EFCAB13: variants seen among roughly 807,000 people sequenced by gnomAD.
EFCAB13 encodes the protein EF-hand calcium-binding domain-containing protein 13.
Under a neutral mutation model 110.2 loss-of-function variants are expected in EFCAB13, and 91 were observed. The observed-to-expected ratio is 0.83, with a 90% CI of 0.70 to 0.98. EFCAB13 has a LOEUF of 0.98. Among genes scored for constraint, EFCAB13 ranks in the 50% least tolerant of loss-of-function variants. The pLI is 0.00. For missense variants in EFCAB13, 968 were observed against 1,119.4 expected (o/e 0.86, Z 1.93); for synonymous variants, 323 against 369.9 (o/e 0.87, Z 1.45).
intron 23 of EFCAB13, among the ~76,000 whole-genome samples, chr17:47,422,028 T>C (rs1904737169): frequency 1.3e-5 from 2 of 152,200 alleles, no homozygotes; most frequent in South Asian, 4.1e-4. Flanking sequence ...GTCCCCATCA[T>C]GACCACAAAT....
intron 24 of EFCAB13, among the ~76,000 whole-genome samples, chr17:47,437,623 AC>A (rs1180867544): frequency 1.3e-5 from 2 of 151,768 alleles, no homozygotes; most frequent in African/African-American, 4.8e-5. Flanking sequence ...GCCTTTTTCC[AC>A]CCCTTTACTT....
In EFCAB13 at chr17:47,379,163, A is replaced by C. The variant is rs548712826; in HGVS notation, c.1511-19A>C. 8.4e-5 allele frequency: 134 copies of C among 1,602,876 alleles called. 1 individual carries two copies. The South Asian group carries it at 1.2e-3, about 14-fold the overall frequency. ...AAAAATACACCAGAATGTATAATCT[A>C]AACTCTTTTTAAAAACAGAGAATGG... On this transcript the variant is annotated intron_variant, in intron 13 of 24. Coordinates refer to ENST00000331493, the MANE Select transcript of EFCAB13 (RefSeq NM_152347.5).
At chr17:47,407,286 A>G (rs1037171907) in intron 20 of EFCAB13, among the ~76,000 whole-genome samples, 1 of 152,206 alleles carries the variant, frequency 6.6e-6, no homozygotes, top group African/African-American at 2.4e-5. Flanking sequence ...GAAAAGGGTT[A>G]TTTTTAACTA....
At chr17:47,372,208 A>AT (rs145622764) in intron 11 of EFCAB13, among the ~76,000 whole-genome samples, 1,498 of 149,568 alleles carry the variant, frequency 0.01, 28 homozygotes, top group African/African-American at 0.034. Flanking sequence ...TTCTCTGTTG[A>AT]TTTTTTTTTA....
chr17:47,351,824 G>A (rs958758709), intron 9 of EFCAB13, among the ~76,000 whole-genome samples: 2 of 149,538 alleles, frequency 1.3e-5, no homozygotes, highest in East Asian at 3.9e-4. Context: ...GTTGTTGCTT[G>A]TGCTTTCGAG....
intron 23 of EFCAB13, among the ~76,000 whole-genome samples, chr17:47,422,162 ATTCT>A (rs1193032907): frequency 6.6e-6 from 1 of 152,216 alleles, no homozygotes; most frequent in Non-Finnish European, 1.5e-5. Context: ...AATAAAAATA[ATTCT>A]TCATATTACA....
chr17:47,403,090 C>G (rs951880411), intron 18 of EFCAB13, among the ~76,000 whole-genome samples: 38 of 152,140 alleles, frequency 2.5e-4, no homozygotes, highest in African/African-American at 8.9e-4. Context: ...TCTGTAGTTG[C>G]ATCCCAGTGA....
At position 47,417,349 on chromosome 17, in the gene EFCAB13, C is replaced by G. The variant is rs569546471; in HGVS notation, c.2494+2430C>G. The stretch of plus-strand genomic sequence containing the variant: ...ATGGAAATACATCATAATTTCTTGT[C>G]TGACGTTATTGGCTTTTCATTTCTC... On this transcript the variant is annotated intron_variant, in intron 23 of 24. Transcript: ENST00000331493. 3.3e-5 allele frequency among the ~76,000 whole-genome samples: 5 copies of G among 152,314 alleles called. No homozygotes were observed. The South Asian group carries it at 1.0e-3, about 32-fold the overall frequency.
rs139198433 is a variant in EFCAB13 at position 47,440,475 on chromosome 17, G to A, written c.2683G>A (p.Asp895Asn). ...SIQEFMTKLS[D>N]ILTIPKAAGK... ...TCAAGAATTTATGACTAAATTATCC[G>A]ATATATTGACAATTCCTAAAGCTGC... Residue 895 changes from aspartate to asparagine, a missense_variant, in exon 25 of 25, where the codon GAT becomes AAT. Transcript: ENST00000331493. The A allele has an allele frequency of 6.3e-5, 102 of 1,607,554 alleles. No homozygotes were observed. The African/African-American group carries it at 9.0e-4, about 14-fold the overall frequency.
At chr17:47,422,494 TAC>T (rs1904757674) in intron 23 of EFCAB13, among the ~76,000 whole-genome samples, 1 of 152,192 alleles carries the variant, frequency 6.6e-6, no homozygotes, top group Non-Finnish European at 1.5e-5. Context: ...TATGAATCTA[TAC>T]ACTGGTTATT....
At chr17:47,429,684 T>C (rs1474346015) in intron 23 of EFCAB13, 134 bp from the exon 24 acceptor site, 2 of 1,183,376 alleles carry the variant, frequency 1.7e-6, no homozygotes, top group African/African-American at 1.5e-5. Context: ...TTTTTAAAAC[T>C]ATACAAATAG....
chr17:47,370,674 A>G (rs982886996), intron 11 of EFCAB13, among the ~76,000 whole-genome samples, 166 bp downstream of exon 11: 2 of 151,566 alleles, frequency 1.3e-5, no homozygotes, highest in Non-Finnish European at 2.9e-5. Context: ...TGCTATTTAC[A>G]TGTCCTCTTT....
intron 14 of EFCAB13, among the ~76,000 whole-genome samples, chr17:47,379,640 C>T (rs1402233023): frequency 6.6e-6 from 1 of 151,096 alleles, no homozygotes; most frequent in Non-Finnish European, 1.5e-5. Context: ...TTAAAAACAG[C>T]TTTATCAAGG....
At position 47,325,923 on chromosome 17, in the gene EFCAB13, AATATATATATATATATATATATATAT is replaced by A. The variant is rs60735562; in HGVS notation, c.-247-289_-247-264del. ...GCAGATTTTATATATATATAAACAA[AATATATATATATATATATATATATAT>A]ATATATATATATAGCATATATATAT... On this transcript the variant is annotated intron_variant, in intron 2 of 24. Transcript: ENST00000331493. Among the ~76,000 whole-genome samples the A allele has an allele frequency of 1.4e-3, 142 of 102,564 alleles. 3 individuals carry two copies. Among genetic ancestry groups the A allele is most frequent in the South Asian group, 7.9e-3 (21 of 2,660 alleles). 67.3% of individuals were successfully genotyped at this position (102,564 alleles called of 152,430 possible). A position where few individuals can be genotyped will look rare whatever the true frequency, so the allele number is the denominator to read the frequency against.
chr17:47,419,588 T>C (rs1904561840), intron 23 of EFCAB13, among the ~76,000 whole-genome samples: 1 of 152,114 alleles, frequency 6.6e-6, no homozygotes, highest in South Asian at 2.1e-4. Context: ...TAAATAATAA[T>C]GATGATAATA....
intron 24 of EFCAB13, 169 bp downstream of exon 24, chr17:47,430,130 G>A: frequency 2.4e-6 from 3 of 1,265,456 alleles, no homozygotes; most frequent in Non-Finnish European, 2.0e-6. Flanking sequence ...AGCTTCATGG[G>A]GCCAAACAAA....
intron 21 of EFCAB13, among the ~76,000 whole-genome samples, chr17:47,410,341 G>T (rs1217995370): frequency 6.6e-6 from 1 of 152,122 alleles, no homozygotes; most frequent in Non-Finnish European, 1.5e-5. Context: ...TATTCATGAG[G>T]GCAGAGCCTT....
intron 10 of EFCAB13, among the ~76,000 whole-genome samples, chr17:47,366,068 A>G (rs760815322): frequency 2.0e-5 from 3 of 152,188 alleles, no homozygotes; most frequent in Non-Finnish European, 4.4e-5. Context: ...ATAGCACTGC[A>G]GGTACTGTTC....
chr17:47,403,060 C>T (rs1235164881), intron 18 of EFCAB13, among the ~76,000 whole-genome samples: 2 of 152,124 alleles, frequency 1.3e-5, no homozygotes, highest in Non-Finnish European at 2.9e-5. Flanking sequence ...TTCTGGGTGT[C>T]AGCAAAGCTC....
Sources: allele counts gnomAD v4.1 joint callset (sites outside exome capture counted in the v4.1 genomes callset), GRCh38; gene constraint gnomAD v4.1.1; transcripts MANE v1.5; gene names NCBI Gene and HGNC (gene_info 2026-07-23, HGNC 2026-07-21).